The following CMYA5 variants were observed in gnomAD, a reference collection of about 807,000 sequenced individuals.
CMYA5 encodes the protein cardiomyopathy associated 5, also known as cardiomyopathy-associated protein 5.
CMYA5 carries 246 observed loss-of-function variants against 318.9 expected under a neutral mutation model. The observed-to-expected ratio is 0.77, with a 90% CI of 0.70 to 0.86. CMYA5 has a LOEUF of 0.86. Among genes scored for constraint, CMYA5 ranks in the 40% least tolerant of loss-of-function variants. The pLI is 0.00. For missense variants in CMYA5, 4,589 were observed against 4,678.2 expected (o/e 0.98, Z 0.56); for synonymous variants, 1,641 against 1,729.5 (o/e 0.95, Z 1.27).
chr5:79,743,249 C>A (rs1319632752), intron 2 of CMYA5, among the ~76,000 whole-genome samples: 1 of 152,168 alleles, frequency 6.6e-6, no homozygotes, highest in Non-Finnish European at 1.5e-5. Context: ...TACCATGCTC[C>A]CCTATCACCC....
At chr5:79,718,040 C>A (rs1827553371) in intron 1 of CMYA5, among the ~76,000 whole-genome samples, 1 of 107,774 alleles carries the variant, frequency 9.3e-6, no homozygotes, top group Non-Finnish European at 1.8e-5. Flanking sequence ...AGGCACCCGC[C>A]ACTACGCCCG....
intron 1 of CMYA5, among the ~76,000 whole-genome samples, chr5:79,692,500 C>A (rs1826987762): frequency 6.6e-6 from 1 of 152,124 alleles, no homozygotes; most frequent in Admixed American, 6.5e-5. Flanking sequence ...GATATTGGAT[C>A]AGAGAACTAT....
In CMYA5 at chr5:79,734,138, T is replaced by G. The variant is rs1408858595; in HGVS notation, c.5373T>G (p.Ser1791Arg). The G allele has an allele frequency of 6.2e-7, 1 of 1,613,762 alleles. No individual in the cohort carries two copies. The highest frequency in any genetic ancestry group is 2.2e-5 in the East Asian group (1 of 44,874). The stretch of plus-strand genomic sequence containing the variant: ...TGGGAGATATTTTAGATAAGCTAAG[T>G]GAAGAAACAGGCCACCCAAATTCAT... ...QVMGDILDKL[S>R]EETGHPNSSQ... is the part of the protein sequence containing the mutation. The change falls in exon 2 of 13, where the codon AGT becomes AGG. Residue 1791 changes from serine to arginine, a missense_variant. Physicochemically the swap from Ser to Arg is moderately radical, Grantham distance 110. Around this residue, in one of 3 missense-constraint regions of CMYA5, gnomAD observed 2,132 missense variants for 2,131.3 expected, o/e 1.00. Coordinates refer to ENST00000446378, the MANE Select transcript of CMYA5 (RefSeq NM_153610.5).
chr5:79,720,571 G>A (rs1827606503), intron 1 of CMYA5, among the ~76,000 whole-genome samples: 1 of 151,738 alleles, frequency 6.6e-6, no homozygotes, highest in South Asian at 2.1e-4. Flanking sequence ...CAGGTAGCTG[G>A]GATTACAGGC....
intron 1 of CMYA5, among the ~76,000 whole-genome samples, chr5:79,708,575 A>C (rs2151077602): frequency 6.6e-6 from 1 of 151,994 alleles, no homozygotes; most frequent in Non-Finnish European, 1.5e-5. Context: ...CAGTGAGCTG[A>C]GATTGTGCCA....
intron 9 of CMYA5, among the ~76,000 whole-genome samples, chr5:79,775,455 A>G (rs946690275): frequency 6.6e-6 from 1 of 152,196 alleles, no homozygotes; most frequent in Non-Finnish European, 1.5e-5. Flanking sequence ...GACTGAAGAG[A>G]CTGAAAATGA....
intron 7 of CMYA5, among the ~76,000 whole-genome samples, chr5:79,760,149 T>G (rs1828620032): frequency 2.0e-5 from 3 of 150,226 alleles, no homozygotes; most frequent in South Asian, 4.2e-4. Context: ...TTCATGGCTC[T>G]CTGAGACCCT....
intron 1 of CMYA5, among the ~76,000 whole-genome samples, chr5:79,714,702 AG>A (rs2151079563): frequency 6.6e-6 from 1 of 152,198 alleles, no homozygotes; most frequent in East Asian, 1.9e-4. Flanking sequence ...GGCCTCCCAA[AG>A]TGCTGGGATT....
chr5:79,701,777 C>T (rs114041995), intron 1 of CMYA5, among the ~76,000 whole-genome samples: 3,223 of 152,244 alleles, frequency 0.021, 115 homozygotes, highest in African/African-American at 0.072. Flanking sequence ...ATATTCATAG[C>T]ATCATTATTC....
At chr5:79,712,590 C>G (rs1225430711) in intron 1 of CMYA5, among the ~76,000 whole-genome samples, 12 of 152,026 alleles carry the variant, frequency 7.9e-5, no homozygotes, top group Non-Finnish European at 2.9e-5. Context: ...TGGACAAACC[C>G]CGATTCCATC....
At chr5:79,768,075 A>G (rs1294912059) in intron 9 of CMYA5, among the ~76,000 whole-genome samples, 1 of 150,462 alleles carries the variant, frequency 6.6e-6, no homozygotes, top group African/African-American at 2.4e-5. Flanking sequence ...GTCTTTTTTG[A>G]TCTTTGTTGG....
intron 11 of CMYA5, among the ~76,000 whole-genome samples, chr5:79,793,136 T>C (rs1829207460): frequency 6.6e-6 from 1 of 152,220 alleles, no homozygotes; most frequent in South Asian, 2.1e-4. Flanking sequence ...GCATTTCTTT[T>C]TGTCCTACCA....
intron 1 of CMYA5, among the ~76,000 whole-genome samples, chr5:79,710,946 G>A (rs1827377197): frequency 6.6e-6 from 1 of 152,060 alleles, no homozygotes; most frequent in Non-Finnish European, 1.5e-5. Context: ...AAGTGCTATA[G>A]TCTTATAACA....
chr5:79,729,112 C>A lies in CMYA5; in HGVS notation c.347C>A (p.Ser116Tyr). ...AGTCGGGAAGGGTCAACTGTGAATT[C>A]TCCTCCTGGAAATGTTTCCTTTATT... The part of the protein sequence containing the change: ...VCSREGSTVN[S>Y]PPGNVSFIVD... The change falls in exon 2 of 13, where the codon TCT (serine) becomes TAT (tyrosine). Residue 116 changes from serine to tyrosine, a missense_variant. Ser to Tyr is a moderately radical substitution (Grantham distance 144, BLOSUM62 -2). Around this residue, in one of 3 missense-constraint regions of CMYA5, gnomAD observed 2,132 missense variants for 2,131.3 expected, o/e 1.00. Transcript: ENST00000446378. 6.2e-7 allele frequency: 1 copy of A among 1,613,220 alleles called. No individual in the cohort carries two copies.
rs764156657 is a variant in CMYA5, at chr5:79,763,194, A to G, written c.11540A>G (p.Glu3847Gly). The change falls in exon 9 of 13, where the codon GAG (glutamate) becomes GGG (glycine). Residue 3847 changes from glutamate (E) to glycine (G), a missense_variant. By Grantham distance (98) the Glu-to-Gly change is moderately conservative. Around this residue, in one of 3 missense-constraint regions of CMYA5, gnomAD observed 2,431 missense variants for 2,495.1 expected, o/e 0.97. Coordinates refer to ENST00000446378, the MANE Select transcript of CMYA5 (RefSeq NM_153610.5). ...GAGTACTGCAGACAGCACTCTCCTG[A>G]GGGAGAGGGCCTCAGGTGAGGGGCC... is the stretch of plus-strand genomic sequence containing the variant. ...TLEYCRQHSP[E>G]GEGLRSFSGI... is the part of the protein sequence containing the mutation. 1 of 1,607,016 alleles carries G rather than the reference A, an allele frequency of 6.2e-7. No homozygotes were observed.
In CMYA5 at chr5:79,751,044, G is replaced by A. The variant is rs1278322809; in HGVS notation, c.10992-1632G>A. On this transcript the variant is annotated intron_variant, in intron 5 of 12. Coordinates refer to ENST00000446378, the MANE Select transcript of CMYA5 (RefSeq NM_153610.5). ...ATCCCCACAGTCTTAATTTAGGCTC[G>A]TGCTGTCTTCCCTCACTAGACCCTA... Among the ~76,000 whole-genome samples the A allele has an allele frequency of 2.0e-5, 3 of 152,132 alleles. No individual in the cohort carries two copies. The South Asian group carries it at 6.2e-4, about 32-fold the overall frequency.
chr5:79,704,250 A>G (rs1039410291), intron 1 of CMYA5, among the ~76,000 whole-genome samples: 2 of 152,066 alleles, frequency 1.3e-5, no homozygotes, highest in African/African-American at 4.8e-5. Context: ...CTCTCTGTCA[A>G]GGCAGGAATC....
Position 79,738,515 on chromosome 5 carries a change from C to T in CMYA5, c.9750C>T (p.Asp3250=), listed in dbSNP as rs1284512340. ...KYILKDDILH[D]TSLTQKDQGQ... is the part of the protein sequence containing the mutation. Reference sequence around the variant, plus strand: ...TACTCAAAGATGACATTCTCCATGACACATCTCTAACTCAAAAGGACCAGG... The same window carrying T: ...TACTCAAAGATGACATTCTCCATGATACATCTCTAACTCAAAAGGACCAGG... Residue 3250 remains aspartate, a synonymous_variant, in exon 2 of 13, where the codon GAC becomes GAT. Coordinates refer to ENST00000446378, the MANE Select transcript of CMYA5 (RefSeq NM_153610.5). 6.2e-7 allele frequency: 1 copy of T among 1,613,364 alleles called. No homozygotes were observed. The highest frequency in any genetic ancestry group is 1.7e-5 in the Admixed American group (1 of 59,980).
chr5:79,773,696 G>GTGAATGAATGAA (rs148088756), intron 9 of CMYA5, among the ~76,000 whole-genome samples: 1 of 151,994 alleles, frequency 6.6e-6, no homozygotes, highest in South Asian at 2.1e-4. Flanking sequence ...TCACGAATGA[G>GTGAATGAATGAA]TGAATGAATG....
Sources: gnomAD v4.1 joint callset for allele counts (sites outside exome capture counted in the v4.1 genomes callset) on GRCh38, gnomAD v4.1.1 for gene constraint, gnomAD v4.1.1 regional missense constraint, MANE v1.5 for transcripts, NCBI Gene and HGNC (gene_info 2026-07-23, HGNC 2026-07-21) for gene names.